The following ERICH1 variants were observed in gnomAD, a reference collection of about 807,000 sequenced individuals.
The protein encoded by ERICH1 is glutamate rich 1.
ERICH1 carries 56 observed loss-of-function variants against 39.6 expected under a neutral mutation model. That is an observed-to-expected ratio of 1.41 (90% CI 1.14 to 1.77). The LOEUF is 1.77. ERICH1 is among the 40% of genes most tolerant of loss of function. The pLI is 0.00. For synonymous variants in ERICH1, 313 were observed against 223.6 expected (o/e 1.40, Z -3.57); for missense variants, 826 against 575.4 (o/e 1.44, Z -4.45).
chr8:636,801 T>A (rs1477771775), intron 3 of ERICH1, among the ~76,000 whole-genome samples: 1 of 152,224 alleles, frequency 6.6e-6, no homozygotes, highest in Non-Finnish European at 1.5e-5. Flanking sequence ...CCAGGAGGGA[T>A]GCTCTGGGCT....
chr8:655,423 C>T (rs866629876), intron 3 of ERICH1, among the ~76,000 whole-genome samples: 6 of 152,182 alleles, frequency 3.9e-5, no homozygotes, highest in Non-Finnish European at 8.8e-5. Context: ...TTTGTTTGCC[C>T]GTCTCTCACA....
intron 2 of ERICH1, among the ~76,000 whole-genome samples, chr8:715,503 C>T (rs1190482483): frequency 1.3e-5 from 2 of 152,216 alleles, no homozygotes; most frequent in Non-Finnish European, 2.9e-5. Context: ...GCCAACGGGG[C>T]CAAGGGGGCC....
Position 673,850 on chromosome 8 carries a change from T to C in ERICH1, c.502A>G (p.Lys168Glu). Reference sequence around the variant, plus strand: ...GCTTTCTTCCTTTTAATTTGCTGTTTCTTTTTCAGTTTCCTTTTTTTATTT... The same window carrying C: ...GCTTTCTTCCTTTTAATTTGCTGTTCCTTTTTCAGTTTCCTTTTTTTATTT... ...SKNKKRKLKKKQQIKRKKAAG... is the reference protein window; with the variant it reads ...SKNKKRKLKKEQQIKRKKAAG... Residue 168 changes from lysine (K) to glutamate (E), a missense_variant, in exon 4 of 6, where the codon AAA becomes GAA. Transcript: ENST00000262109. 1 of 1,613,870 alleles carries C rather than the reference T, an allele frequency of 6.2e-7. No homozygotes were observed. Among genetic ancestry groups the C allele is most frequent in the Non-Finnish European group, 8.5e-7 (1 of 1,179,998 alleles).
intron 3 of ERICH1, among the ~76,000 whole-genome samples, chr8:625,012 C>T (rs1326227624): frequency 6.6e-6 from 1 of 152,276 alleles, no homozygotes; most frequent in East Asian, 1.9e-4. Context: ...AGGCGTGAGC[C>T]ACTGCACCCG....
rs1418872840 is a variant in ERICH1 at position 648,054 on chromosome 8, C to T, written c.976+20544G>A. The stretch of plus-strand genomic sequence containing the variant: ...CTGACGCAAACGACAGCACGTCAGA[C>T]AGCAGCTAGAATCCACAGTGAGGTG... On this transcript the variant is annotated intron_variant, in intron 3 of 3. Coordinates refer to the ERICH1 transcript ENST00000522706. 7.4e-5 allele frequency among the ~76,000 whole-genome samples: 5 copies of T among 67,716 alleles called. 2 individuals carry two copies. In the East Asian group the frequency reaches 1.5e-3, roughly 20 times the overall value. The allele number at this position is 67,716 out of a possible 152,430, so 44.4% of individuals were successfully genotyped here. A position where few individuals can be genotyped will look rare whatever the true frequency, so the allele number is the denominator to read the frequency against.
chr8:629,545 G>T (rs13255321), intron 3 of ERICH1, among the ~76,000 whole-genome samples: 56 of 100,234 alleles, frequency 5.6e-4, no homozygotes, highest in African/African-American at 2.4e-3. Flanking sequence ...CCTCCTGTGA[G>T]CACCCACACG....
Position 636,577 on chromosome 8 carries a change from T to C in ERICH1, c.977-21293A>G, listed in dbSNP as rs901458190. Among the ~76,000 whole-genome samples the C allele has an allele frequency of 4.6e-5, 7 of 152,212 alleles. No homozygotes were observed. In the East Asian group the frequency reaches 1.3e-3, roughly 29 times the overall value. On this transcript the variant is annotated intron_variant, in intron 3 of 3. Transcript: ENST00000522706. ...TGTGCACTGAGCACAAGCCCTCCAC[T>C]TACCCTCAGCCCTGTCCACCAAACC...
chr8:624,093 G>A (rs542526857), intron 3 of ERICH1, among the ~76,000 whole-genome samples: 1 of 152,280 alleles, frequency 6.6e-6, no homozygotes, highest in African/African-American at 2.4e-5. Flanking sequence ...GATTTGAATA[G>A]ACATGGTTTT....
At chr8:644,152 T>C (rs1169469429) in intron 3 of ERICH1, among the ~76,000 whole-genome samples, 2 of 152,128 alleles carry the variant, frequency 1.3e-5, no homozygotes, top group Non-Finnish European at 2.9e-5. Flanking sequence ...TGTGGCCTCC[T>C]GGCCCCGTCC....
chr8:727,665 C>G (rs1177655308), intron 1 of ERICH1, among the ~76,000 whole-genome samples: 1 of 152,204 alleles, frequency 6.6e-6, no homozygotes, highest in Admixed American at 6.5e-5. Flanking sequence ...AGGCTGACAC[C>G]AGGCTGGGTG....
chr8:619,838 A>G (rs1018553422), intron 3 of ERICH1, among the ~76,000 whole-genome samples: 24 of 152,230 alleles, frequency 1.6e-4, no homozygotes, highest in Admixed American at 8.5e-4. Context: ...GTATTAGGCT[A>G]GTATAAATCT....
chr8:684,568 AG>A (rs1356201612), intron 3 of ERICH1, among the ~76,000 whole-genome samples: 1 of 152,086 alleles, frequency 6.6e-6, no homozygotes, highest in Non-Finnish European at 1.5e-5. Context: ...CACAGAGAAG[AG>A]GGGGGCTCTG....
chr8:615,659 C>G lies in ERICH1; in HGVS notation c.977-375G>C, dbSNP rs1048912806. ...CACCATTGGAAATCAACTTAATGGACTGTCCTGGAAAGGTAGTCAGTCTAG... is the reference window on the plus strand; with the variant it reads ...CACCATTGGAAATCAACTTAATGGAGTGTCCTGGAAAGGTAGTCAGTCTAG... On this transcript the variant is annotated intron_variant, in intron 3 of 3. Coordinates refer to the ERICH1 transcript ENST00000522706. 4 of 178,992 alleles carry G rather than the reference C, an allele frequency of 2.2e-5. No individual in the cohort carries two copies. The South Asian group carries it at 7.0e-4, about 32-fold the overall frequency. 11.1% of individuals were successfully genotyped at this position (178,992 alleles called of 1,614,324 possible).
intron 2 of ERICH1, among the ~76,000 whole-genome samples, chr8:693,473 T>C (rs951923446): frequency 5.3e-5 from 8 of 152,248 alleles, no homozygotes; most frequent in African/African-American, 1.9e-4. Context: ...TCAATGGCCA[T>C]GTGGAGCTGA....
At chr8:721,692 G>C (rs368137513) in intron 1 of ERICH1, among the ~76,000 whole-genome samples, 259 of 152,354 alleles carry the variant, frequency 1.7e-3, no homozygotes, top group African/African-American at 6.1e-3. Flanking sequence ...ACACGATTCT[G>C]TAAACACAGC....
rs116729218 is a variant in ERICH1, at chr8:637,046, C to T, written c.977-21762G>A. Among the ~76,000 whole-genome samples, 1,288 of 152,354 alleles carry T rather than the reference C, an allele frequency of 8.5e-3. 12 individuals carry two copies. Among genetic ancestry groups the T allele is most frequent in the African/African-American group, 0.029 (1,213 of 41,566 alleles). ...AGGCGTCCAAACCAGCTCACCAAGC[C>T]TGTTCCTTGTGCAGTGACCACACCA... On this transcript the variant is annotated intron_variant, in intron 3 of 3. Transcript: ENST00000522706.
downstream of ERICH1, among the ~76,000 whole-genome samples, chr8:660,843 G>A (rs1443586116): frequency 6.6e-6 from 1 of 152,090 alleles, no homozygotes; most frequent in African/African-American, 2.4e-5. Context: ...TGCCGGCCAT[G>A]AGCTATATGG....
chr8:638,018 G>A (rs62486203), intron 3 of ERICH1, among the ~76,000 whole-genome samples: 1 of 152,254 alleles, frequency 6.6e-6, no homozygotes, highest in Non-Finnish European at 1.5e-5. Flanking sequence ...GATTTGGTGA[G>A]GAAGCAAAAT....
chr8:637,045 C>A (rs113986584), intron 3 of ERICH1, among the ~76,000 whole-genome samples: 3,331 of 152,340 alleles, frequency 0.022, 118 homozygotes, highest in African/African-American at 0.073. Flanking sequence ...GCTCACCAAG[C>A]CTGTTCCTTG....
Sources: gnomAD v4.1 joint callset for allele counts (sites outside exome capture counted in the v4.1 genomes callset) on GRCh38, gnomAD v4.1.1 for gene constraint, MANE v1.5 for transcripts, NCBI Gene and HGNC (gene_info 2026-07-23, HGNC 2026-07-21) for gene names.